SLC45A1: variants seen among roughly 807,000 people sequenced by gnomAD.
The protein encoded by SLC45A1 is solute carrier family 45 member 1, also known as proton-associated sugar transporter A.
Under a neutral mutation model 57.6 loss-of-function variants are expected in SLC45A1, and 28 were observed. The ratio of observed to expected loss-of-function variants is 0.49; its 90% CI spans 0.36 to 0.67. The LOEUF (loss-of-function observed/expected upper bound fraction) is 0.67, where lower values mean the gene tolerates loss of function less well. SLC45A1 is among the 30% of genes least tolerant of loss of function. The pLI, the probability that SLC45A1 is intolerant of heterozygous loss-of-function variation, is 0.00. For synonymous variants in SLC45A1, 459 were observed against 471.5 expected (o/e 0.97, Z 0.34); for missense variants, 814 against 1,041.5 (o/e 0.78, Z 3.01).
At chr1:8,324,274 A>G (rs769879341) in intron 1 of SLC45A1, 32 bp from the exon 2 acceptor site, 2 of 1,572,108 alleles carry the variant, frequency 1.3e-6, no homozygotes, top group South Asian at 1.2e-5. Context: ...AGGCAAAAGT[A>G]ACTGTGGCCT....
intron 1 of SLC45A1, among the ~76,000 whole-genome samples, chr1:8,321,393 T>TAAAACCCATCTCTTAGCAAA (rs59849259): frequency 3.0e-4 from 45 of 151,198 alleles, no homozygotes; most frequent in South Asian, 2.1e-4. Context: ...CACCTTGGAA[T>TAAAACCCATCTCTTAGCAAA]AAAACCCATC....
At chr1:8,324,207 A>T in intron 1 of SLC45A1, 99 bp from the exon 2 acceptor site, 1 of 1,070,710 alleles carries the variant, frequency 9.3e-7, no homozygotes, top group Non-Finnish European at 1.4e-6. Flanking sequence ...CTTTCGGGGG[A>T]TGGTGTTTGA....
At chr1:8,319,776 G>GTGC (rs1180810298) in intron 1 of SLC45A1, among the ~76,000 whole-genome samples, 1 of 152,086 alleles carries the variant, frequency 6.6e-6, no homozygotes, top group African/African-American at 2.4e-5. Context: ...GAGTGCAGTG[G>GTGC]TGCGATCTCA....
At position 8,339,561 on chromosome 1, in the gene SLC45A1, G is replaced by A. The variant is rs765438459; in HGVS notation, c.1843G>A (p.Gly615Ser). ...TLYFIAYLAF[G>S]LGTGLATLSR... Reference sequence around the variant, plus strand: ...CTACTTCATCGCCTATCTCGCCTTCGGCCTGGGGACCGGGCTTGCCACCCT... The same window carrying A: ...CTACTTCATCGCCTATCTCGCCTTCAGCCTGGGGACCGGGCTTGCCACCCT... The change falls in exon 8 of 9, where the codon GGC becomes AGC. Residue 615 changes from glycine (G) to serine (S), a missense_variant. Gly to Ser is a moderately conservative substitution (Grantham distance 56). Transcript: ENST00000471889. 8.1e-6 allele frequency: 13 copies of A among 1,614,086 alleles called. No homozygotes were observed. Among genetic ancestry groups the A allele is most frequent in the East Asian group, 2.2e-5 (1 of 44,894 alleles).
In SLC45A1 at chr1:8,339,359, T is replaced by C. The variant is rs1184592801; in HGVS notation, c.1775-134T>C. On this transcript the variant is annotated intron_variant, in intron 7 of 8. Coordinates refer to ENST00000471889, the MANE Select transcript of SLC45A1 (RefSeq NM_001080397.3). Reference sequence around the variant, plus strand: ...GGGTTCCCCAGGAAGTACTTTCTGGTCTGGGGCAAGTGACCTGCCAAGCCG... The same window carrying C: ...GGGTTCCCCAGGAAGTACTTTCTGGCCTGGGGCAAGTGACCTGCCAAGCCG... 3.3e-5 allele frequency: 26 copies of C among 782,574 alleles called. No individual in the cohort carries two copies. In the Admixed American group the frequency reaches 5.5e-4, roughly 17 times the overall value. 48.5% of individuals were successfully genotyped at this position (782,574 alleles called of 1,614,324 possible).
In SLC45A1 at chr1:8,330,664, A is replaced by G. The variant is rs1640370657; in HGVS notation, c.1171A>G (p.Ile391Val). The G allele has an allele frequency of 6.2e-7, 1 of 1,613,340 alleles. No homozygotes were observed. The highest frequency in any genetic ancestry group is 1.1e-5 in the South Asian group (1 of 91,082). The change falls in exon 5 of 9, where the codon ATC (isoleucine) becomes GTC (valine). Residue 391 changes from isoleucine (I) to valine (V), a missense_variant. Coordinates refer to ENST00000471889, the MANE Select transcript of SLC45A1 (RefSeq NM_001080397.3). The surrounding 1 kb of genome is among the most constrained non-coding windows in gnomAD (Gnocchi z 8.4). ...GGGCGGCCACGACAGCTACCTGGCC[A>G]TCCCTGGCAGCGTCCCCAGGCCGCC... Reference protein sequence around the residue: ...FTGGHDSYLAIPGSVPRPPIS... With the variant: ...FTGGHDSYLAVPGSVPRPPIS...
rs760108794 is a variant in SLC45A1 at position 8,343,972 on chromosome 1, G to A, written c.2206G>A (p.Ala736Thr). 8 of 1,613,448 alleles carry A rather than the reference G, an allele frequency of 5.0e-6. No individual in the cohort carries two copies. Among genetic ancestry groups the A allele is most frequent in the Middle Eastern group, 1.6e-4 (1 of 6,062 alleles). Reference protein sequence around the residue: ...FVIYEIPPSDAADEEHRPLLL... With the variant: ...FVIYEIPPSDTADEEHRPLLL... ...CATTTATGAAATTCCTCCCAGCGAC[G>A]CTGCAGACGAGGAGCACCGGCCCCT... Residue 736 changes from alanine to threonine, a missense_variant, in exon 9 of 9, where the codon GCT becomes ACT. Physicochemically the swap from Ala to Thr is moderately conservative, Grantham distance 58. Coordinates refer to ENST00000471889, the MANE Select transcript of SLC45A1 (RefSeq NM_001080397.3). This position sits in a 1 kb window ranked among gnomAD's most constrained non-coding sequence, Gnocchi z 7.7.
chr1:8,330,714 C>A lies in SLC45A1; in HGVS notation c.1221C>A (p.Ala407=). 1 of 1,613,180 alleles carries A rather than the reference C, an allele frequency of 6.2e-7. No individual in the cohort carries two copies. Among genetic ancestry groups the A allele is most frequent in the Non-Finnish European group, 8.5e-7 (1 of 1,179,972 alleles). ...CCATCAGCGTCAGCTTCCCCCGGGC[C>A]CCCGACGGCTTCTACCGCCAGGACC... ...RPPISVSFPR[A]PDGFYRQDRG... is the part of the protein sequence containing the mutation. The change falls in exon 5 of 9, where the codon GCC becomes GCA. Residue 407 remains alanine, a synonymous_variant. Transcript: ENST00000471889. The surrounding 1 kb of genome is among the most constrained non-coding windows in gnomAD (Gnocchi z 8.4).
At position 8,325,774 on chromosome 1, in the gene SLC45A1, C is replaced by T. The variant is rs377014125; in HGVS notation, c.491-44C>T. On this transcript the variant is annotated intron_variant, in intron 3 of 8. Coordinates refer to ENST00000471889, the MANE Select transcript of SLC45A1 (RefSeq NM_001080397.3). The surrounding 1 kb of genome is among the most constrained non-coding windows in gnomAD (Gnocchi z 6.3). ...AAGTCGTGAGCTGCCGGGGACAGAG[C>T]TGGTCTGCATTTTCTTGGGGTGACT... 3.3e-5 allele frequency: 52 copies of T among 1,552,410 alleles called. No homozygotes were observed. Among genetic ancestry groups the T allele is most frequent in the Non-Finnish European group, 4.3e-5 (49 of 1,131,690 alleles).
chr1:8,335,352 G>A lies in SLC45A1; in HGVS notation c.1444-85G>A, dbSNP rs771793323. ...TGCAGCCTCCGTGCGGTGTTTCCGA[G>A]AGCGCATTCCCCTGAGCAGAGCAGG... On this transcript the variant is annotated intron_variant, in intron 5 of 8. Transcript: ENST00000471889. This position sits in a 1 kb window ranked among gnomAD's most constrained non-coding sequence, Gnocchi z 4.1. 233 of 1,320,678 alleles carry A rather than the reference G, an allele frequency of 1.8e-4. No homozygotes were observed. Among genetic ancestry groups the A allele is most frequent in the Non-Finnish European group, 2.2e-4 (223 of 994,780 alleles). 81.8% of individuals were successfully genotyped at this position (1,320,678 alleles called of 1,614,324 possible).
At position 8,337,301 on chromosome 1, in the gene SLC45A1, A is replaced by G. The variant is rs868546156; in HGVS notation, c.1598-515A>G. Among the ~76,000 whole-genome samples the G allele has an allele frequency of 2.6e-5, 4 of 152,240 alleles. No homozygotes were observed. In the East Asian group the frequency reaches 7.7e-4, roughly 29 times the overall value. ...TGGGAAAGACCCAACCCCATGATTC[A>G]ATTAGCTCTCACGGGGTCCCGCCCA... is the stretch of plus-strand genomic sequence containing the variant. On this transcript the variant is annotated intron_variant, in intron 6 of 8. Coordinates refer to ENST00000471889, the MANE Select transcript of SLC45A1 (RefSeq NM_001080397.3).
intron 8 of SLC45A1, among the ~76,000 whole-genome samples, chr1:8,341,349 A>G (rs1410418846): frequency 6.6e-6 from 1 of 151,414 alleles, no homozygotes; most frequent in Non-Finnish European, 1.5e-5. Flanking sequence ...AGCCTGGCCA[A>G]CATGGTGAAA....
intron 1 of SLC45A1, 83 bp downstream of exon 1, chr1:8,318,269 C>T (rs1639885681): frequency 2.5e-6 from 1 of 407,922 alleles, no homozygotes. Flanking sequence ...CCGGGGTAGT[C>T]AGGGCGCCGA....
chr1:8,331,075 T>C, intron 5 of SLC45A1, 139 bp downstream of exon 5: 1 of 1,171,418 alleles, frequency 8.5e-7, no homozygotes, highest in East Asian at 2.5e-5. Context: ...TGCTTTGACC[T>C]AAAGAGAAAA....
intron 8 of SLC45A1, among the ~76,000 whole-genome samples, chr1:8,340,637 G>A (rs759568709): frequency 2.6e-5 from 4 of 152,084 alleles, no homozygotes; most frequent in Non-Finnish European, 5.9e-5. Context: ...TCCACCTGCC[G>A]GTTTTATCAC....
At chr1:8,342,655 G>A (rs1640863317) in intron 8 of SLC45A1, among the ~76,000 whole-genome samples, 2 of 152,108 alleles carry the variant, frequency 1.3e-5, no homozygotes, top group Admixed American at 1.3e-4. Context: ...TTCCTTTGCA[G>A]TGACTTTGAA....
rs149654034 is a variant in SLC45A1, at chr1:8,341,791, G to A, written c.1981-1956G>A. On this transcript the variant is annotated intron_variant, in intron 8 of 8. Transcript: ENST00000471889. The stretch of plus-strand genomic sequence containing the variant: ...AAAAATTAGCCAGGCATGGTGGCCC[G>A]TGCCCATAATTCCAGCTACTTGGGA... Among the ~76,000 whole-genome samples the A allele has an allele frequency of 8.1e-3, 1,223 of 151,522 alleles. 18 individuals carry two copies. The highest frequency in any genetic ancestry group is 0.027 in the African/African-American group (1,129 of 41,290).
At chr1:8,332,288 C>T (rs1640436012) in intron 5 of SLC45A1, among the ~76,000 whole-genome samples, 1 of 152,194 alleles carries the variant, frequency 6.6e-6, no homozygotes, top group Non-Finnish European at 1.5e-5. Context: ...GGAAACAAAA[C>T]GTGAAACCTG....
intron 5 of SLC45A1, among the ~76,000 whole-genome samples, chr1:8,333,977 T>C (rs1328746384): frequency 2.6e-5 from 4 of 152,234 alleles, no homozygotes; most frequent in Admixed American, 6.5e-5. Flanking sequence ...TCCATCCTTA[T>C]CAAGGAAAGA....
Sources: gnomAD v4.1 joint callset for allele counts (sites outside exome capture counted in the v4.1 genomes callset) on GRCh38, gnomAD v4.1.1 for gene constraint, Gnocchi (gnomAD v3.1) non-coding constraint, MANE v1.5 for transcripts, NCBI Gene and HGNC (gene_info 2026-07-23, HGNC 2026-07-21) for gene names.